The following SLCO6A1 variants were observed in gnomAD, a reference collection of about 807,000 sequenced individuals.
The protein encoded by SLCO6A1 is cancer/testis antigen 48.
Under a neutral mutation model 72.7 loss-of-function variants are expected in SLCO6A1, and 65 were observed. The ratio of observed to expected loss-of-function variants is 0.89; its 90% CI spans 0.73 to 1.10. The LOEUF is 1.10. Ranked by LOEUF, SLCO6A1 falls within the 50% of genes least tolerant of loss-of-function variation. The probability of loss-of-function intolerance (pLI) is 0.00; values close to 1 mark genes in which losing one functional copy is unlikely to be tolerated. For missense variants in SLCO6A1, 874 were observed against 872.6 expected (o/e 1.00, Z -0.02); for synonymous variants, 314 against 298.2 (o/e 1.05, Z -0.55).
At chr5:102,467,555 C>A (rs1463497619) in intron 4 of SLCO6A1, among the ~76,000 whole-genome samples, 1 of 152,074 alleles carries the variant, frequency 6.6e-6, no homozygotes, top group Non-Finnish European at 1.5e-5. Context: ...CATTTATTTC[C>A]ACTTGGCCCT....
At chr5:102,457,529 A>G (rs544060734) in intron 6 of SLCO6A1, among the ~76,000 whole-genome samples, 12 of 152,358 alleles carry the variant, frequency 7.9e-5, no homozygotes, top group African/African-American at 2.6e-4. Context: ...CATCAGAGAA[A>G]TGCAAATCAA....
intron 7 of SLCO6A1, among the ~76,000 whole-genome samples, chr5:102,433,519 T>A (rs961364073): frequency 6.6e-6 from 1 of 152,178 alleles, no homozygotes; most frequent in African/African-American, 2.4e-5. Context: ...TCTGGAAGAT[T>A]TTAGAAGGCA....
chr5:102,435,566 A>T (rs1481168637), intron 7 of SLCO6A1, among the ~76,000 whole-genome samples: 1 of 152,170 alleles, frequency 6.6e-6, no homozygotes, highest in Non-Finnish European at 1.5e-5. Flanking sequence ...TTCAACACAC[A>T]TCATGGCCAG....
chr5:102,438,094 A>G (rs1749642574), intron 7 of SLCO6A1, among the ~76,000 whole-genome samples: 1 of 152,094 alleles, frequency 6.6e-6, no homozygotes, highest in Non-Finnish European at 1.5e-5. Context: ...GTTGGAAGAG[A>G]GAAAAAGTGG....
chr5:102,395,879 G>C (rs1437811009), intron 10 of SLCO6A1, among the ~76,000 whole-genome samples: 1 of 152,104 alleles, frequency 6.6e-6, no homozygotes, highest in African/African-American at 2.4e-5. Flanking sequence ...CCCACTTTTT[G>C]ATGGGGTTGT....
intron 1 of SLCO6A1, among the ~76,000 whole-genome samples, chr5:102,485,428 T>C (rs1387500909): frequency 6.6e-6 from 1 of 152,176 alleles, no homozygotes; most frequent in Non-Finnish European, 1.5e-5. Context: ...TTGTACCAGT[T>C]TGATCACACA....
chr5:102,433,827 C>T (rs1156970765), intron 7 of SLCO6A1, among the ~76,000 whole-genome samples: 2 of 152,036 alleles, frequency 1.3e-5, no homozygotes, highest in Non-Finnish European at 1.5e-5. Flanking sequence ...TGCTAGCCTC[C>T]ATGGGGGAGC....
chr5:102,432,242 T>A (rs1211944534), intron 7 of SLCO6A1, among the ~76,000 whole-genome samples: 1 of 152,202 alleles, frequency 6.6e-6, no homozygotes, highest in Non-Finnish European at 1.5e-5. Context: ...ACATTCAAGG[T>A]TACTATTGCT....
intron 10 of SLCO6A1, among the ~76,000 whole-genome samples, chr5:102,398,822 C>T (rs532075823): frequency 3.2e-4 from 48 of 151,954 alleles, no homozygotes; most frequent in Middle Eastern, 3.4e-3. Flanking sequence ...TCTTGTCCCC[C>T]GCCTGCTTGT....
intron 4 of SLCO6A1, among the ~76,000 whole-genome samples, chr5:102,461,242 A>G (rs1410429493): frequency 6.6e-6 from 1 of 152,032 alleles, no homozygotes; most frequent in Admixed American, 6.6e-5. Context: ...TGAAATGCCT[A>G]GGAATAGGCT....
chr5:102,489,027 C>A (rs1752560942), intron 1 of SLCO6A1, among the ~76,000 whole-genome samples: 1 of 152,184 alleles, frequency 6.6e-6, no homozygotes, highest in South Asian at 2.1e-4. Flanking sequence ...AGCATAGAAG[C>A]ATAAAAGTTA....
At chr5:102,378,199 G>A (rs902924722) in intron 12 of SLCO6A1, among the ~76,000 whole-genome samples, 8 of 151,798 alleles carry the variant, frequency 5.3e-5, no homozygotes, top group African/African-American at 1.9e-4. Flanking sequence ...ATAAGAAAAT[G>A]TGGCACATAT....
chr5:102,490,324 A>G (rs1752615190), intron 1 of SLCO6A1, among the ~76,000 whole-genome samples: 2 of 152,256 alleles, frequency 1.3e-5, no homozygotes, highest in Admixed American at 6.5e-5. Context: ...TCATTACACA[A>G]TATAAACATA....
chr5:102,450,789 G>T (rs568612431), intron 6 of SLCO6A1, among the ~76,000 whole-genome samples: 2 of 152,340 alleles, frequency 1.3e-5, no homozygotes, highest in Admixed American at 1.3e-4. Context: ...CCCAAGCCGA[G>T]GTGCCCTGCC....
At chr5:102,475,101 A>G (rs1751826784) in intron 4 of SLCO6A1, among the ~76,000 whole-genome samples, 1 of 152,068 alleles carries the variant, frequency 6.6e-6, no homozygotes, top group Non-Finnish European at 1.5e-5. Context: ...ATACAAAAGA[A>G]TTGACAACAG....
In SLCO6A1 at chr5:102,373,501, T is replaced by C; in HGVS notation, c.2018-7A>G. 1 of 1,448,440 alleles carries C rather than the reference T, an allele frequency of 6.9e-7. No individual in the cohort carries two copies. Among genetic ancestry groups the C allele is most frequent in the Non-Finnish European group, 9.1e-7 (1 of 1,098,398 alleles). The allele number at this position is 1,448,440 out of a possible 1,614,324, so 89.7% of individuals were successfully genotyped here. On this transcript the variant is annotated splice_polypyrimidine_tract_variant and splice_region_variant and intron_variant, in intron 12 of 13. Transcript: ENST00000506729. The stretch of plus-strand genomic sequence containing the variant: ...CATAGTTTGCAAAGAAAACCTAAAT[T>C]TAAAAAATGCAATGATCAGATATGT...
At chr5:102,477,548 T>C in intron 3 of SLCO6A1, 128 bp downstream of exon 3, 1 of 699,632 alleles carries the variant, frequency 1.4e-6, no homozygotes, top group Non-Finnish European at 2.3e-6. Context: ...AGGTTTAGCA[T>C]ACCAATTATC....
At chr5:102,484,760 CAG>C (rs1752367216) in intron 1 of SLCO6A1, among the ~76,000 whole-genome samples, 1 of 152,062 alleles carries the variant, frequency 6.6e-6, no homozygotes, top group Non-Finnish European at 1.5e-5. Flanking sequence ...TGTTATACAT[CAG>C]AAATTTTTTT....
At chr5:102,382,483 C>A (rs1746163285) in intron 12 of SLCO6A1, among the ~76,000 whole-genome samples, 1 of 110,894 alleles carries the variant, frequency 9.0e-6, no homozygotes, top group African/African-American at 3.3e-5. Flanking sequence ...TGATTTCATG[C>A]AAATTTTAGG....
Sources: allele counts gnomAD v4.1 joint callset (sites outside exome capture counted in the v4.1 genomes callset), GRCh38; gene constraint gnomAD v4.1.1; transcripts MANE v1.5; gene names NCBI Gene and HGNC (gene_info 2026-07-23, HGNC 2026-07-21).